ASNS: variants seen among roughly 807,000 people sequenced by gnomAD.
ASNS encodes asparagine synthetase (glutamine-hydrolyzing), also known as asparagine synthetase [glutamine-hydrolyzing].
A neutral mutation model predicts 62.6 loss-of-function variants in ASNS; 37 were observed. The observed-to-expected ratio is 0.59, with a 90% CI of 0.45 to 0.78. The LOEUF (loss-of-function observed/expected upper bound fraction) is 0.78. Among genes scored for constraint, ASNS ranks in the 30% least tolerant of loss-of-function variants. ASNS has a pLI of 0.00. For missense variants in ASNS, 520 were observed against 682.4 expected (o/e 0.76, Z 2.65); for synonymous variants, 207 against 237.9 (o/e 0.87, Z 1.19).
chr7:97,918,118 G>A, the ASNS span, among the ~76,000 whole-genome samples: 6 of 152,174 alleles, frequency 3.9e-5, no homozygotes, highest in African/African-American at 1.4e-4. Flanking sequence ...GGTGGGGGCA[G>A]ACAAGCAGGT....
At chr7:97,923,451 C>T in the ASNS span, among the ~76,000 whole-genome samples, 3 of 152,110 alleles carry the variant, frequency 2.0e-5, no homozygotes, top group Non-Finnish European at 2.9e-5. Context: ...CATGGTGGCA[C>T]GCACCTGCAT....
In ASNS at chr7:97,854,560, A is replaced by G. The variant is rs757694972; in HGVS notation, c.1238+20T>C. On this transcript the variant is annotated intron_variant, in intron 10 of 12. Coordinates refer to ENST00000394308, the MANE Select transcript of ASNS (RefSeq NM_001673.5). ...GGTGTTTTTTTGTTTTTGTTTTACA[A>G]TAGCCTCTAAAAATATTACCCATGG... The G allele has an allele frequency of 1.9e-6, 3 of 1,602,480 alleles. No individual in the cohort carries two copies. The highest frequency in any genetic ancestry group is 1.3e-5 in the African/African-American group (1 of 74,252).
Position 97,870,152 on chromosome 7 carries a change from A to G in ASNS, c.-59-339T>C, listed in dbSNP as rs1314252124. 1.1e-5 allele frequency: 8 copies of G among 759,224 alleles called. No individual in the cohort carries two copies. The East Asian group carries it at 2.6e-4, about 25-fold the overall frequency. The allele number at this position is 759,224 out of a possible 1,614,324, so 47.0% of individuals were successfully genotyped here. On this transcript the variant is annotated intron_variant, in intron 1 of 12. Transcript: ENST00000394308. Reference sequence around the variant, plus strand: ...TTTATTTGGCTGCTGCCAGCTCAAAATGACACATTGCACCATGTGTGGCAT... The same window carrying G: ...TTTATTTGGCTGCTGCCAGCTCAAAGTGACACATTGCACCATGTGTGGCAT...
chr7:97,874,017 C>G (rs1792383463), upstream of ASNS, among the ~76,000 whole-genome samples: 1 of 152,054 alleles, frequency 6.6e-6, no homozygotes, highest in African/African-American at 2.4e-5. Context: ...CCGGTCTGAC[C>G]AAAGTTTATT....
chr7:97,890,653 AG>A, the ASNS span, among the ~76,000 whole-genome samples: 1 of 152,234 alleles, frequency 6.6e-6, no homozygotes, highest in Non-Finnish European at 1.5e-5. Context: ...AGGCTGAGGC[AG>A]GAGGACCATT....
intron 1 of ASNS, among the ~76,000 whole-genome samples, chr7:97,871,213 T>G (rs1367659842): frequency 2.0e-5 from 3 of 152,214 alleles, no homozygotes; most frequent in African/African-American, 7.2e-5. Context: ...TATTTTACAC[T>G]GTTCTTCCTA....
chr7:97,898,199 A>T, the ASNS span: 1 of 275,650 alleles, frequency 3.6e-6, no homozygotes. Flanking sequence ...CGTTCAAGTG[A>T]TTCTCATGCC....
At chr7:97,916,629 T>C in the ASNS span, among the ~76,000 whole-genome samples, 1 of 152,156 alleles carries the variant, frequency 6.6e-6, no homozygotes, top group African/African-American at 2.4e-5. Context: ...CTTTATTTAT[T>C]TGGGGTGGTT....
At position 97,854,799 on chromosome 7, in the gene ASNS, A is replaced by G. The variant is rs1178204846; in HGVS notation, c.1138-119T>C. ...AAAGTTAAACAAATTTAGGGAAGGG[A>G]GTAAATAACTGAACAGAGGTAAGCA... On this transcript the variant is annotated intron_variant, in intron 9 of 12. Coordinates refer to ENST00000394308, the MANE Select transcript of ASNS (RefSeq NM_001673.5). The G allele has an allele frequency of 4.5e-6, 7 of 1,540,476 alleles. No homozygotes were observed. In the Middle Eastern group the frequency reaches 5.1e-4, roughly 113 times the overall value.
the ASNS span, among the ~76,000 whole-genome samples, chr7:97,884,449 T>A: frequency 6.6e-6 from 1 of 152,132 alleles, no homozygotes; most frequent in Non-Finnish European, 1.5e-5. Flanking sequence ...CTCGGGAGAC[T>A]GAGGCAGGAA....
chr7:97,855,928 C>T (rs1791415714), intron 8 of ASNS, among the ~76,000 whole-genome samples: 2 of 152,160 alleles, frequency 1.3e-5, no homozygotes, highest in Non-Finnish European at 2.9e-5. Context: ...TTAAACTTGC[C>T]TCCTTGGTCC....
rs781082812 is a variant in ASNS at position 97,864,260 on chromosome 7, T to G, written c.486A>C (p.Lys162Asn). The change falls in exon 4 of 13, where the codon AAA (lysine) becomes AAC (asparagine). Residue 162 changes from lysine to asparagine, a missense_variant and splice_region_variant. Transcript: ENST00000394308. ...DGFLAVCSEA[K>N]GLVTLKHSAT... ...ATCTATAGAAAAATTTATTATTACCTTTAGCTTCTGAACATACAGCCAAAA... is the reference window on the plus strand; with the variant it reads ...ATCTATAGAAAAATTTATTATTACCGTTAGCTTCTGAACATACAGCCAAAA... 4 of 1,610,586 alleles carry G rather than the reference T, an allele frequency of 2.5e-6. No individual in the cohort carries two copies. The South Asian group carries it at 4.4e-5, about 18-fold the overall frequency.
At chr7:97,883,466 A>G in the ASNS span, among the ~76,000 whole-genome samples, 1 of 151,932 alleles carries the variant, frequency 6.6e-6, no homozygotes, top group African/African-American at 2.4e-5. Context: ...TTTACCTCCT[A>G]AATCTTTTCA....
the ASNS span, among the ~76,000 whole-genome samples, chr7:97,917,816 A>G: frequency 6.6e-6 from 1 of 152,236 alleles, no homozygotes; most frequent in Non-Finnish European, 1.5e-5. Flanking sequence ...ACCACGTATC[A>G]GCAACAGCCC....
intron 7 of ASNS, among the ~76,000 whole-genome samples, 164 bp downstream of exon 7, chr7:97,858,114 G>A (rs1791542605): frequency 6.6e-6 from 1 of 152,200 alleles, no homozygotes; most frequent in South Asian, 2.1e-4. Context: ...GTACAACACA[G>A]TGCATATCCA....
At chr7:97,854,450 T>C (rs888132137) in intron 10 of ASNS, 130 bp downstream of exon 10, 23 of 1,120,952 alleles carry the variant, frequency 2.1e-5, no homozygotes, top group Admixed American at 2.8e-5. Flanking sequence ...TTGTAACATA[T>C]AGCCAACTAT....
At chr7:97,865,287 A>G (rs1791911022) in intron 3 of ASNS, among the ~76,000 whole-genome samples, 1 of 152,262 alleles carries the variant, frequency 6.6e-6, no homozygotes, top group Admixed American at 6.5e-5. Flanking sequence ...GCAGGCTTTC[A>G]GACTCCACCT....
At chr7:97,917,216 CAAAAAAAAA>C in the ASNS span, among the ~76,000 whole-genome samples, 4 of 113,604 alleles carry the variant, frequency 3.5e-5, no homozygotes, top group Non-Finnish European at 7.6e-5. Context: ...ATATTTGCAC[CAAAAAAAAA>C]AAAAAAAAAA....
At chr7:97,852,704 G>A (rs563788803) in intron 12 of ASNS, among the ~76,000 whole-genome samples, 1 of 152,114 alleles carries the variant, frequency 6.6e-6, no homozygotes, top group African/African-American at 2.4e-5. Context: ...TTAGTCATTT[G>A]TGCCTAACAA....
Sources: gnomAD v4.1 joint callset for allele counts (sites outside exome capture counted in the v4.1 genomes callset) on GRCh38, gnomAD v4.1.1 for gene constraint, MANE v1.5 for transcripts, NCBI Gene and HGNC (gene_info 2026-07-23, HGNC 2026-07-21) for gene names.